The following COP1 variants were observed in gnomAD, a reference collection of about 807,000 sequenced individuals.
COP1 encodes the protein E3 ubiquitin-protein ligase COP1.
In COP1, 24 loss-of-function variants were observed where a neutral mutation model predicts 101.3. The ratio of observed to expected loss-of-function variants is 0.24; its 90% CI spans 0.17 to 0.33. The LOEUF (loss-of-function observed/expected upper bound fraction) is 0.33. COP1 is among the 10% of genes least tolerant of loss of function. The pLI, the probability that COP1 is intolerant of heterozygous loss-of-function variation, is 1.00. For synonymous variants in COP1, 347 were observed against 341.9 expected (o/e 1.01, Z -0.17); for missense variants, 663 against 906.2 (o/e 0.73, Z 3.45).
At chr1:176,083,896 C>G (rs2481645) in intron 10 of COP1, among the ~76,000 whole-genome samples, 148,104 of 152,296 alleles carry the variant, frequency 0.97, 72,159 homozygotes, top group East Asian at 1. Flanking sequence ...ACATGTTTTA[C>G]GTACAATACA....
chr1:176,114,935 GAA>G (rs1685925097), intron 9 of COP1, among the ~76,000 whole-genome samples: 1 of 152,064 alleles, frequency 6.6e-6, no homozygotes, highest in Non-Finnish European at 1.5e-5. Flanking sequence ...AATACATGCT[GAA>G]GTATTTAAGG....
chr1:175,954,289 A>C (rs1650332312), intron 18 of COP1, among the ~76,000 whole-genome samples: 1 of 152,214 alleles, frequency 6.6e-6, no homozygotes, highest in South Asian at 2.1e-4. Context: ...ATGCCTAGAA[A>C]GTTATAGCTT....
rs762433396 is a variant in COP1 at position 175,989,376 on chromosome 1, C to T, written c.1833G>A (p.Glu611=). 4.3e-5 allele frequency: 67 copies of T among 1,571,676 alleles called. No homozygotes were observed. Among genetic ancestry groups the T allele is most frequent in the Non-Finnish European group, 5.6e-5 (64 of 1,141,672 alleles). The part of the protein sequence containing the change: ...AVSYAKFVSG[E]EIVSASTDSQ... ...GTAATACTCACGCAGAGACAATTTC[C>T]TCACCACTCACAAACTTTGCATAAG... The change falls in exon 16 of 20, where the codon GAG becomes GAA. Residue 611 remains glutamate (E), a synonymous_variant. Transcript: ENST00000367669.
intron 9 of COP1, among the ~76,000 whole-genome samples, chr1:176,088,063 T>C (rs1262105907): frequency 1.3e-5 from 2 of 151,974 alleles, no homozygotes; most frequent in Non-Finnish European, 2.9e-5. Context: ...ATGAGAATAC[T>C]TGGACACAGG....
Position 176,206,920 on chromosome 1 carries a change from G to A in COP1, c.59C>T (p.Ala20Val). The A allele has an allele frequency of 6.8e-7, 1 of 1,462,812 alleles. No homozygotes were observed. Among genetic ancestry groups the A allele is most frequent in the Non-Finnish European group, 9.0e-7 (1 of 1,112,710 alleles). 90.6% of individuals were successfully genotyped at this position (1,462,812 alleles called of 1,614,324 possible). The change falls in exon 1 of 20, where the codon GCG becomes GTG. Residue 20 changes from alanine (A) to valine (V), a missense_variant. Coordinates refer to ENST00000367669, the MANE Select transcript of COP1 (RefSeq NM_022457.7). Reference protein sequence around the residue: ...GSAGTSPGSSAASSVTSASSS... With the variant: ...GSAGTSPGSSVASSVTSASSS... ...GGAGGCGGAAGTCACCGAGGAGGCCGCCGAGGACCCGGGGCTTGTCCCAGC... is the reference window on the plus strand; with the variant it reads ...GGAGGCGGAAGTCACCGAGGAGGCCACCGAGGACCCGGGGCTTGTCCCAGC...
At chr1:176,132,558 CAT>C (rs1319015310) in intron 8 of COP1, among the ~76,000 whole-genome samples, 2 of 147,398 alleles carry the variant, frequency 1.4e-5, no homozygotes, top group Non-Finnish European at 3.0e-5. Flanking sequence ...CACATATACA[CAT>C]ATGTACGTAT....
chr1:176,162,201 T>C (rs933928560), intron 5 of COP1, among the ~76,000 whole-genome samples: 1 of 152,206 alleles, frequency 6.6e-6, no homozygotes, highest in East Asian at 1.9e-4. Flanking sequence ...AACTATTCTT[T>C]TTTGTGTGTA....
At position 175,981,810 on chromosome 1, in the gene COP1, TAAA is replaced by T. The variant is rs143589977; in HGVS notation, c.2133+5130_2133+5132del. ...ACAGCAAGAAAACAAATAACCCACT[TAAA>T]AAACAAGCAAAGAACCTGAATAAAC... On this transcript the variant is annotated intron_variant, in intron 18 of 19. Coordinates refer to ENST00000367669, the MANE Select transcript of COP1 (RefSeq NM_022457.7). Among the ~76,000 whole-genome samples the T allele has an allele frequency of 3.6e-4, 54 of 151,992 alleles. No individual in the cohort carries two copies. In the East Asian group the frequency reaches 8.5e-3, roughly 24 times the overall value.
At chr1:176,002,803 G>C (rs1662064603) in intron 15 of COP1, among the ~76,000 whole-genome samples, 1 of 150,724 alleles carries the variant, frequency 6.6e-6, no homozygotes, top group Admixed American at 6.7e-5. Context: ...TGTGAATAAT[G>C]CCACAATAAA....
chr1:176,042,258 G>A (rs187721022), intron 14 of COP1, among the ~76,000 whole-genome samples: 41 of 99,242 alleles, frequency 4.1e-4, no homozygotes, highest in African/African-American at 1.4e-3. Context: ...GCGACACAGC[G>A]AAACTCTATC....
chr1:176,207,281 G>C lies in COP1; in HGVS notation c.-303C>G, dbSNP rs934819977. The C allele has an allele frequency of 7.8e-6, 3 of 386,510 alleles. No individual in the cohort carries two copies. Among genetic ancestry groups the C allele is most frequent in the African/African-American group, 6.2e-5 (3 of 48,034 alleles). The allele number at this position is 386,510 out of a possible 1,614,324, so 23.9% of individuals were successfully genotyped here. A position where few individuals can be genotyped will look rare whatever the true frequency, so the allele number is the denominator to read the frequency against. On this transcript the variant is annotated 5_prime_UTR_variant, in exon 1 of 20. Transcript: ENST00000367669. Reference sequence around the variant, plus strand: ...GCCGTGGCCGGCCGTGCGCGCGCGCGCGAGCGGCGGAAGAGGCGGGCGTGG... The same window carrying C: ...GCCGTGGCCGGCCGTGCGCGCGCGCCCGAGCGGCGGAAGAGGCGGGCGTGG...
intron 1 of COP1, among the ~76,000 whole-genome samples, chr1:176,191,597 A>T (rs540661594): frequency 3.7e-4 from 57 of 152,184 alleles, no homozygotes; most frequent in African/African-American, 1.3e-3. Context: ...AAGGAAAAAA[A>T]AATAATAAAC....
At chr1:175,993,288 TG>T (rs1659148274) in intron 15 of COP1, among the ~76,000 whole-genome samples, 1 of 151,876 alleles carries the variant, frequency 6.6e-6, no homozygotes, top group African/African-American at 2.4e-5. Flanking sequence ...ACCACAAAGA[TG>T]GGGAAAAAAC....
intron 6 of COP1, among the ~76,000 whole-genome samples, chr1:176,138,566 T>G (rs1156672897): frequency 6.6e-6 from 1 of 152,182 alleles, no homozygotes; most frequent in Non-Finnish European, 1.5e-5. Flanking sequence ...AAATAACAGC[T>G]GCTCAATTGA....
At position 176,075,079 on chromosome 1, in the gene COP1, T is replaced by G. The variant is rs552671928; in HGVS notation, c.1277+6073A>C. On this transcript the variant is annotated intron_variant, in intron 11 of 19. Transcript: ENST00000367669. ...GATTGTGAGCTCTCCTGAATCCAAGTAACACGTCTGGCCTGTTCATGACTA... is the reference window on the plus strand; with the variant it reads ...GATTGTGAGCTCTCCTGAATCCAAGGAACACGTCTGGCCTGTTCATGACTA... Among the ~76,000 whole-genome samples the G allele has an allele frequency of 1.3e-3, 195 of 152,284 alleles. 3 individuals are homozygous for G. Among genetic ancestry groups the G allele is most frequent in the South Asian group, 6.0e-3 (29 of 4,828 alleles).
intron 5 of COP1, 30 bp from the exon 6 acceptor site, chr1:176,149,104 A>T (rs1398873478): frequency 7.0e-7 from 1 of 1,421,900 alleles, no homozygotes; most frequent in South Asian, 1.3e-5. Flanking sequence ...TTTTTCTTTT[A>T]AAAAATATAA....
At chr1:175,963,042 GTTATTC>G (rs1651571612) in intron 18 of COP1, among the ~76,000 whole-genome samples, 1 of 151,466 alleles carries the variant, frequency 6.6e-6, no homozygotes, top group Non-Finnish European at 1.5e-5. Flanking sequence ...GGTGTTTTCT[GTTATTC>G]TTATTCCCCA....
chr1:176,041,743 A>T (rs1670575853), intron 14 of COP1, among the ~76,000 whole-genome samples: 1 of 152,150 alleles, frequency 6.6e-6, no homozygotes, highest in Non-Finnish European at 1.5e-5. Flanking sequence ...AGGTGGGTAG[A>T]TCACTGGAGG....
Position 176,135,025 on chromosome 1 carries a change from G to A in COP1, c.953C>T (p.Pro318Leu). 1.9e-6 allele frequency: 3 copies of A among 1,609,952 alleles called. No homozygotes were observed. The highest frequency in any genetic ancestry group is 2.5e-6 in the Non-Finnish European group (3 of 1,176,718). Residue 318 changes from proline (P) to leucine (L), a missense_variant, in exon 8 of 20, where the codon CCT becomes CTT. Around this residue, in one of 4 missense-constraint regions of COP1, gnomAD observed 212 missense variants for 240.7 expected, o/e 0.88. Coordinates refer to ENST00000367669, the MANE Select transcript of COP1 (RefSeq NM_022457.7). ...EDSTVPQFEA[P>L]SPSHSSIIDS... ...AAGCTTGTACCTGTGTGATGGAGAA[G>A]GAGCTTCAAATTGAGGCACTGTGCT...
Sources: allele counts gnomAD v4.1 joint callset (sites outside exome capture counted in the v4.1 genomes callset), GRCh38; gene constraint gnomAD v4.1.1; regional missense constraint gnomAD v4.1.1; transcripts MANE v1.5; gene names NCBI Gene and HGNC (gene_info 2026-07-23, HGNC 2026-07-21).